Variants in PTPRN2 observed in about 807,000 individuals in gnomAD.
PTPRN2 encodes receptor-type tyrosine-protein phosphatase N2.
In PTPRN2, 74 loss-of-function variants were observed where a neutral mutation model predicts 118.8. The observed-to-expected ratio is 0.62, with a 90% CI of 0.52 to 0.76. The LOEUF (loss-of-function observed/expected upper bound fraction) is 0.76, where lower values mean the gene tolerates loss of function less well. Among genes scored for constraint, PTPRN2 ranks in the 30% least tolerant of loss-of-function variants. PTPRN2 has a pLI of 0.00. For synonymous variants in PTPRN2, 641 were observed against 608.0 expected, an observed-to-expected ratio of 1.05 and a Z score of -0.80; for missense variants, 1,481 against 1,394.4, an observed-to-expected ratio of 1.06 and a Z score of -0.99.
rs1039856341 is a variant in PTPRN2, at chr7:157,629,059, C to A, written c.2197-7550G>T. ...GCATCTGATGCAGGACCCGCTCACA[C>A]GAAACATGCTCGCCTTCCTGTTGGC... On this transcript the variant is annotated intron_variant, in intron 14 of 22. Coordinates refer to ENST00000389418, the MANE Select transcript of PTPRN2 (RefSeq NM_002847.5). This position sits in a 1 kb window ranked among gnomAD's most constrained non-coding sequence, Gnocchi z 4.4. Among the ~76,000 whole-genome samples the A allele has an allele frequency of 6.6e-6, 1 of 152,136 alleles. No homozygotes were observed.
chr7:158,454,844 G>C (rs1818353443), intron 2 of PTPRN2, among the ~76,000 whole-genome samples: 1 of 152,172 alleles, frequency 6.6e-6, no homozygotes, highest in African/African-American at 2.4e-5. Context: ...CCCCCAAGCA[G>C]ACTACACACT....
chr7:157,792,689 C>T lies in PTPRN2; in HGVS notation c.1788+105984G>A, dbSNP rs1313099978. On this transcript the variant is annotated intron_variant, in intron 12 of 22. Transcript: ENST00000389418. ...TCCGCTGGCCACACTGCACGACAGA[C>T]GTCTGCCCAGGCTGGGGCCGGGGGT... Among the ~76,000 whole-genome samples the T allele has an allele frequency of 1.4e-4, 21 of 152,322 alleles. No individual in the cohort carries two copies. In the Middle Eastern group the frequency reaches 0.01, roughly 74 times the overall value.
chr7:157,628,788 C>T (rs139476872), intron 14 of PTPRN2, among the ~76,000 whole-genome samples: 162 of 152,260 alleles, frequency 1.1e-3, no homozygotes, highest in African/African-American at 3.8e-3. Flanking sequence ...TGGAAAGACT[C>T]CTGAGTTCCC....
Position 157,693,925 on chromosome 7 carries a change from C to T in PTPRN2, c.1789-10988G>A, listed in dbSNP as rs1331816046. ...CCTCAGTCTCCACGGCGGCGCAGAC[C>T]GCACGCGGCCACCCTGGGCCTCGGA... On this transcript the variant is annotated intron_variant, in intron 12 of 22. Transcript: ENST00000389418. Among the ~76,000 whole-genome samples the T allele has an allele frequency of 2.6e-5, 4 of 152,338 alleles. No individual in the cohort carries two copies. The South Asian group carries it at 8.3e-4, about 32-fold the overall frequency.
At chr7:158,337,496 G>A (rs1370274521) in intron 2 of PTPRN2, among the ~76,000 whole-genome samples, 9 of 150,084 alleles carry the variant, frequency 6.0e-5, no homozygotes, top group African/African-American at 1.2e-4. Flanking sequence ...ACCTGCAGAC[G>A]TCACTCGCAC....
At chr7:158,131,112 A>G (rs1321201179) in intron 9 of PTPRN2, among the ~76,000 whole-genome samples, 3 of 143,380 alleles carry the variant, frequency 2.1e-5, no homozygotes, top group Non-Finnish European at 4.5e-5. Flanking sequence ...CACATCTACC[A>G]AACACACACT....
At chr7:157,683,884 G>C (rs972098962) in intron 12 of PTPRN2, among the ~76,000 whole-genome samples, 1 of 152,214 alleles carries the variant, frequency 6.6e-6, no homozygotes, top group East Asian at 1.9e-4. Context: ...GAGCACGCCC[G>C]GCCTTGGTCC....
chr7:157,963,177 C>G lies in PTPRN2; in HGVS notation c.1724-64440G>C, dbSNP rs1056298009. Among the ~76,000 whole-genome samples the G allele has an allele frequency of 2.6e-5, 4 of 152,238 alleles. No individual in the cohort carries two copies. The South Asian group carries it at 8.3e-4, about 31-fold the overall frequency. ...GCCTGCAGGCTGAGCCGGGCAGTCT[C>G]CTGGCCTCAGGTGGACCTGCAGTCA... On this transcript the variant is annotated intron_variant, in intron 11 of 22. Transcript: ENST00000389418.
intron 3 of PTPRN2, among the ~76,000 whole-genome samples, chr7:158,229,970 C>T (rs1206508539): frequency 6.6e-6 from 1 of 152,002 alleles, no homozygotes; most frequent in East Asian, 1.9e-4. Context: ...AAGTCAAGGA[C>T]AAAGAGAGAT....
intron 2 of PTPRN2, among the ~76,000 whole-genome samples, chr7:158,381,873 C>CT (rs1488568468): frequency 5.9e-5 from 9 of 152,174 alleles, no homozygotes; most frequent in Non-Finnish European, 1.2e-4. Flanking sequence ...TGCAGAGAAA[C>CT]TCCCCCTTAT....
intron 2 of PTPRN2, among the ~76,000 whole-genome samples, chr7:158,484,564 T>G (rs1198949320): frequency 2.0e-5 from 3 of 152,214 alleles, no homozygotes; most frequent in Non-Finnish European, 4.4e-5. Context: ...GGTTTCACCA[T>G]GTTGGCCAGG....
At chr7:158,065,965 G>A (rs575448935) in intron 11 of PTPRN2, among the ~76,000 whole-genome samples, 5 of 152,302 alleles carry the variant, frequency 3.3e-5, no homozygotes, top group South Asian at 2.1e-4. Flanking sequence ...AAAGAGTTTC[G>A]TTCAGGGAAA....
intron 12 of PTPRN2, among the ~76,000 whole-genome samples, chr7:157,744,074 C>T (rs1800785470): frequency 6.6e-6 from 1 of 152,226 alleles, no homozygotes; most frequent in South Asian, 2.1e-4. Context: ...CATCTGGATC[C>T]CCTTCATGCT....
intron 11 of PTPRN2, among the ~76,000 whole-genome samples, chr7:157,931,784 A>G (rs1203571566): frequency 1.3e-5 from 2 of 152,112 alleles, no homozygotes; most frequent in Non-Finnish European, 2.9e-5. Context: ...TTCAGTAGGA[A>G]TTACGGCTGC....
At chr7:158,301,320 T>C (rs1296258626) in intron 3 of PTPRN2, among the ~76,000 whole-genome samples, 1 of 152,228 alleles carries the variant, frequency 6.6e-6, no homozygotes, top group Non-Finnish European at 1.5e-5. Flanking sequence ...TAACGGCTCC[T>C]GACACACTCC....
At chr7:157,562,022 T>A (rs953832718) in intron 21 of PTPRN2, among the ~76,000 whole-genome samples, 4 of 150,918 alleles carry the variant, frequency 2.7e-5, no homozygotes, top group African/African-American at 9.8e-5. Flanking sequence ...GGACAGAGGG[T>A]GGGGGATGCA....
chr7:158,343,990 C>T (rs1807290791), intron 2 of PTPRN2, among the ~76,000 whole-genome samples: 1 of 152,184 alleles, frequency 6.6e-6, no homozygotes, highest in Admixed American at 6.5e-5. Context: ...TTCACACTGC[C>T]ACACCCCAAG....
At chr7:157,767,156 T>C (rs1272293796) in intron 12 of PTPRN2, among the ~76,000 whole-genome samples, 1 of 150,622 alleles carries the variant, frequency 6.6e-6, no homozygotes, top group East Asian at 2.0e-4. Flanking sequence ...GGCAAGGTAC[T>C]GAGCTTCCCT....
chr7:157,664,427 C>T (rs1245628208), intron 13 of PTPRN2, among the ~76,000 whole-genome samples: 6 of 152,230 alleles, frequency 3.9e-5, no homozygotes, highest in African/African-American at 1.2e-4. Context: ...AAATGGCCAT[C>T]GCCACTACGA....
Sources: allele counts gnomAD v4.1 joint callset (sites outside exome capture counted in the v4.1 genomes callset), GRCh38; gene constraint gnomAD v4.1.1; non-coding constraint Gnocchi (gnomAD v3.1); transcripts MANE v1.5; gene names NCBI Gene and HGNC (gene_info 2026-07-23, HGNC 2026-07-21).